Variants in RNASET2 observed in about 807,000 individuals in gnomAD.
RNASET2 encodes the protein ribonuclease 6.
Under a neutral mutation model 33.9 loss-of-function variants are expected in RNASET2, and 28 were observed. That is an observed-to-expected ratio of 0.83 (90% CI 0.61 to 1.13). The LOEUF is 1.13. Ranked by LOEUF, RNASET2 falls within the 50% of genes most tolerant of loss-of-function variation. The pLI is 0.00. For synonymous variants in RNASET2, 123 were observed against 121.0 expected, an observed-to-expected ratio of 1.02 and a Z score of -0.11; for missense variants, 330 against 319.9, an observed-to-expected ratio of 1.03 and a Z score of -0.24.
chr6:166,930,992 G>A, intron 8 of RNASET2, 52 bp downstream of exon 8: 4 of 1,287,766 alleles, frequency 3.1e-6, no homozygotes, highest in Non-Finnish European at 4.5e-6. Flanking sequence ...CATCAGAAAA[G>A]TAGAACCTGT....
At chr6:166,939,073 C>T in intron 5 of RNASET2, 65 bp from the exon 6 acceptor site, 1 of 1,168,232 alleles carries the variant, frequency 8.6e-7, no homozygotes, top group Admixed American at 1.7e-5. Context: ...GTGGCTCATG[C>T]CTGTAATCCC....
chr6:166,946,303 C>T (rs971012787), intron 4 of RNASET2, among the ~76,000 whole-genome samples: 1 of 152,244 alleles, frequency 6.6e-6, no homozygotes, highest in Non-Finnish European at 1.5e-5. Context: ...TATGGCACAC[C>T]GACCAGATTC....
chr6:166,951,736 TATC>T (rs1778989766), intron 2 of RNASET2, among the ~76,000 whole-genome samples: 1 of 152,266 alleles, frequency 6.6e-6, no homozygotes, highest in African/African-American at 2.4e-5. Flanking sequence ...AATATTCATA[TATC>T]ATCATATCTA....
At chr6:166,953,892 A>G (rs1297424212) in intron 1 of RNASET2, among the ~76,000 whole-genome samples, 7 of 152,072 alleles carry the variant, frequency 4.6e-5, no homozygotes, top group Non-Finnish European at 1.0e-4. Flanking sequence ...AAAAAAAAAA[A>G]AAGGATGAGC....
At chr6:166,954,252 C>T (rs1019203573) in intron 1 of RNASET2, among the ~76,000 whole-genome samples, 4 of 152,198 alleles carry the variant, frequency 2.6e-5, no homozygotes, top group African/African-American at 9.7e-5. Context: ...ATGAAGCCCT[C>T]GTGGTCTGAA....
At chr6:166,955,155 C>A (rs763849936) in intron 1 of RNASET2, among the ~76,000 whole-genome samples, 46 of 150,876 alleles carry the variant, frequency 3.0e-4, no homozygotes, top group Non-Finnish European at 3.1e-4. Flanking sequence ...CTGTTTACCC[C>A]TAATTAATTT....
At chr6:166,952,622 T>A (rs528565018) in intron 1 of RNASET2, 74 bp from the exon 2 acceptor site, 9 of 1,117,986 alleles carry the variant, frequency 8.1e-6, no homozygotes, top group Admixed American at 3.6e-5. Flanking sequence ...CACCCATCCA[T>A]CCCTTCAATC....
chr6:166,930,842 T>TGTACACACACATGC lies in RNASET2; in HGVS notation c.567+188_567+201dup, dbSNP rs1231408483. 1.1e-3 allele frequency among the ~76,000 whole-genome samples: 165 copies of TGTACACACACATGC among 143,564 alleles called. 4 individuals carry two copies. In the East Asian group the frequency reaches 0.029, roughly 25 times the overall value. 94.2% of individuals were successfully genotyped at this position (143,564 alleles called of 152,430 possible). On this transcript the variant is annotated intron_variant, in intron 8 of 8. Coordinates refer to ENST00000508775, the MANE Select transcript of RNASET2 (RefSeq NM_003730.6). ...CACACATAGCACATGCCCACATGCA[T>TGTACACACACATGC]GTACACACACATGCACACACAGCAC...
At position 166,950,917 on chromosome 6, in the gene RNASET2, G is replaced by A. The variant is rs138642045; in HGVS notation, c.147+1571C>T. 1.7e-4 allele frequency among the ~76,000 whole-genome samples: 26 copies of A among 152,332 alleles called. 1 individual carries two copies. The East Asian group carries it at 4.2e-3, about 25-fold the overall frequency. ...ACAGGGACTGTGGGTTTTTCTCCTC[G>A]TGTGGAGACGAGAGATTGTAGAAAT... On this transcript the variant is annotated intron_variant, in intron 2 of 8. Transcript: ENST00000508775.
At chr6:166,948,998 TGAG>T (rs1778914367) in intron 2 of RNASET2, among the ~76,000 whole-genome samples, 1 of 152,056 alleles carries the variant, frequency 6.6e-6, no homozygotes, top group Non-Finnish European at 1.5e-5. Context: ...GTAGATCACC[TGAG>T]GTCAGGAGTT....
rs1369139103 is a variant in RNASET2 at position 166,929,055 on chromosome 6, GACC to G, written c.*530_*532del. On this transcript the variant is annotated 3_prime_UTR_variant, in exon 9 of 9. Transcript: ENST00000508775. ...AGTCACCGTTCTAGGACACACCTGT[GACC>G]ACACCAGGCCTCCAACAACGGAGCA... Among the ~76,000 whole-genome samples the G allele has an allele frequency of 3.3e-5, 5 of 152,214 alleles. No homozygotes were observed. Among genetic ancestry groups the G allele is most frequent in the Admixed American group, 3.3e-4 (5 of 15,288 alleles).
At chr6:166,940,911 C>A (rs1268010369) in intron 5 of RNASET2, among the ~76,000 whole-genome samples, 1 of 152,118 alleles carries the variant, frequency 6.6e-6, no homozygotes, top group Non-Finnish European at 1.5e-5. Flanking sequence ...CCACAACAGG[C>A]AGCCAGTCCT....
chr6:166,955,707 T>G, intron 1 of RNASET2: 1 of 1,074,112 alleles, frequency 9.3e-7, no homozygotes, highest in Non-Finnish European at 1.1e-6. Context: ...TTCCCAGGGG[T>G]CACCCCGGGG....
Position 166,952,543 on chromosome 6 carries a change from T to C in RNASET2, c.92A>G (p.Asn31Ser), listed in dbSNP as rs779460565. The C allele has an allele frequency of 2.8e-5, 45 of 1,612,244 alleles. No homozygotes were observed. The highest frequency in any genetic ancestry group is 4.0e-5 in the African/African-American group (3 of 74,928). Residue 31 changes from asparagine to serine, a missense_variant, in exon 2 of 9, where the codon AAC (asparagine) becomes AGC (serine). Physicochemically the swap from Asn to Ser is conservative, Grantham distance 46. Coordinates refer to ENST00000508775, the MANE Select transcript of RNASET2 (RefSeq NM_003730.6). ...LGGADKRLRD[N>S]HEWKKLIMVQ... Reference sequence around the variant, plus strand: ...CATAATTAGTTTTTTCCACTCATGGTTGTCACTGTTAAAACATAAGAAACT... The same window carrying C: ...CATAATTAGTTTTTTCCACTCATGGCTGTCACTGTTAAAACATAAGAAACT...
rs1247437949 is a variant in RNASET2, at chr6:166,923,761, ACTT to A, written c.*5824_*5826del. Among the ~76,000 whole-genome samples, 1 of 152,324 alleles carries A rather than the reference ACTT, an allele frequency of 6.6e-6. No homozygotes were observed. The highest frequency in any genetic ancestry group is 6.5e-5 in the Admixed American group (1 of 15,302). ...GCTCATCCCATAAGCAATGCAATGGACTTCTTTTCTATAGACGCCCAAATACTG... is the reference window on the plus strand; with the variant it reads ...GCTCATCCCATAAGCAATGCAATGGACTTTTCTATAGACGCCCAAATACTG... On this transcript the variant is annotated 3_prime_UTR_variant, in exon 9 of 9. Transcript: ENST00000508775.
intron 6 of RNASET2, 52 bp downstream of exon 6, chr6:166,938,843 C>A: frequency 1.5e-6 from 2 of 1,316,382 alleles, no homozygotes; most frequent in Admixed American, 1.7e-5. Flanking sequence ...CAGGCTTGGG[C>A]GACAGCAGAG....
In RNASET2 at chr6:166,943,419, A is replaced by C. The variant is rs1488951438; in HGVS notation, c.262-330T>G. On this transcript the variant is annotated intron_variant, in intron 4 of 8. Coordinates refer to ENST00000508775, the MANE Select transcript of RNASET2 (RefSeq NM_003730.6). ...AAGACACTGGAGGAACTGCAAACAT[A>C]CATTGCTAAGTGCAAGAAGCCAGTC... 6 of 355,858 alleles carry C rather than the reference A, an allele frequency of 1.7e-5. No individual in the cohort carries two copies. The East Asian group carries it at 4.4e-4, about 26-fold the overall frequency. 22.0% of individuals were successfully genotyped at this position (355,858 alleles called of 1,614,324 possible).
At position 166,934,133 on chromosome 6, in the gene RNASET2, C is replaced by T. The variant is rs747165370; in HGVS notation, c.450G>A (p.Val150=). The T allele has an allele frequency of 6.3e-7, 1 of 1,595,838 alleles. No homozygotes were observed. Among genetic ancestry groups the T allele is most frequent in the South Asian group, 1.1e-5 (1 of 90,702 alleles). ...ELYRELDLNS[V]LLKLGIKPSI... is the part of the protein sequence containing the mutation. The stretch of plus-strand genomic sequence containing the variant: ...ATGGTTTTATCCCCAATTTTAGAAG[C>T]ACACTAAAATTTAAATTTAAAAAAG... Residue 150 remains valine, a synonymous_variant, in exon 7 of 9, where the codon GTG becomes GTA. Coordinates refer to ENST00000508775, the MANE Select transcript of RNASET2 (RefSeq NM_003730.6).
In RNASET2 at chr6:166,956,218, G is replaced by T; in HGVS notation, c.-36C>A. On this transcript the variant is annotated 5_prime_UTR_variant, in exon 1 of 9. Coordinates refer to ENST00000508775, the MANE Select transcript of RNASET2 (RefSeq NM_003730.6). The stretch of plus-strand genomic sequence containing the variant: ...TGCGGAGAGAACGCTGCCAGCTGCC[G>T]CTCCGGCTCCCACTTCCCACCTGCT... 4 of 1,522,794 alleles carry T rather than the reference G, an allele frequency of 2.6e-6. No individual in the cohort carries two copies. Among genetic ancestry groups the T allele is most frequent in the Non-Finnish European group, 3.6e-6 (4 of 1,123,242 alleles). 94.3% of individuals were successfully genotyped at this position (1,522,794 alleles called of 1,614,324 possible).
Sources: allele counts gnomAD v4.1 joint callset (sites outside exome capture counted in the v4.1 genomes callset), GRCh38; gene constraint gnomAD v4.1.1; transcripts MANE v1.5; gene names NCBI Gene and HGNC (gene_info 2026-07-23, HGNC 2026-07-21).